The following CLEC16A variants were observed in gnomAD, a reference collection of about 807,000 sequenced individuals.
The protein encoded by CLEC16A is C-type lectin domain containing 16A.
A neutral mutation model predicts 109.5 loss-of-function variants in CLEC16A; 51 were observed. The observed-to-expected ratio is 0.47, with a 90% CI of 0.37 to 0.59. CLEC16A has a LOEUF of 0.59. CLEC16A is among the 20% of genes least tolerant of loss of function. CLEC16A has a pLI of 0.00. For synonymous variants in CLEC16A, 673 were observed against 564.2 expected (o/e 1.19, Z -2.73); for missense variants, 1,339 against 1,394.0 (o/e 0.96, Z 0.63).
At chr16:11,016,710 C>T (rs1567199138) in intron 11 of CLEC16A, among the ~76,000 whole-genome samples, 1 of 152,168 alleles carries the variant, frequency 6.6e-6, no homozygotes, top group Non-Finnish European at 1.5e-5. Context: ...TGAATTGACT[C>T]ACTTGTTTTT....
chr16:11,048,416 C>T (rs2047750729), intron 17 of CLEC16A: 1 of 152,234 alleles, frequency 6.6e-6, no homozygotes, highest in South Asian at 2.1e-4. Context: ...GCTAGGTACT[C>T]CATAAGTACG....
At chr16:11,075,896 C>G (rs1247367633) in intron 19 of CLEC16A, among the ~76,000 whole-genome samples, 1 of 152,130 alleles carries the variant, frequency 6.6e-6, no homozygotes, top group African/African-American at 2.4e-5. Flanking sequence ...GTTTCTCATC[C>G]AAACCCCACT....
chr16:11,098,113 C>T (rs1197712398), intron 19 of CLEC16A, among the ~76,000 whole-genome samples: 1 of 152,212 alleles, frequency 6.6e-6, no homozygotes, highest in African/African-American at 2.4e-5. Flanking sequence ...TCAGTGATCC[C>T]AGGTGATCCT....
intron 9 of CLEC16A, among the ~76,000 whole-genome samples, chr16:10,980,183 C>G (rs1181505106): frequency 6.6e-6 from 1 of 152,138 alleles, no homozygotes; most frequent in Non-Finnish European, 1.5e-5. Flanking sequence ...TGGGGCGGGG[C>G]TTTGTCTTTT....
intron 20 of CLEC16A, among the ~76,000 whole-genome samples, chr16:11,123,052 C>T (rs1168810617): frequency 6.6e-6 from 1 of 151,846 alleles, no homozygotes; most frequent in Admixed American, 6.6e-5. Flanking sequence ...TACAAGCGCA[C>T]GCCACCATGC....
chr16:10,971,275 G>T (rs201761542), intron 5 of CLEC16A, 45 bp downstream of exon 5: 4 of 1,410,876 alleles, frequency 2.8e-6, no homozygotes, highest in Non-Finnish European at 4.0e-6. Flanking sequence ...TTCTGACTTG[G>T]CAGCAAGCAC....
intron 11 of CLEC16A, among the ~76,000 whole-genome samples, chr16:11,015,106 A>G (rs552811315): frequency 1.5e-4 from 23 of 152,180 alleles, no homozygotes; most frequent in Non-Finnish European, 3.2e-4. Context: ...TGTTTGGATA[A>G]AACTATCAAA....
At chr16:11,159,663 A>G (rs2054650249) in intron 22 of CLEC16A, among the ~76,000 whole-genome samples, 3 of 152,186 alleles carry the variant, frequency 2.0e-5, no homozygotes, top group Admixed American at 2.0e-4. Context: ...ATGCCCCAGG[A>G]GGGTTTCATG....
intron 22 of CLEC16A, among the ~76,000 whole-genome samples, chr16:11,147,098 G>A (rs989786253): frequency 3.9e-5 from 6 of 152,002 alleles, no homozygotes; most frequent in African/African-American, 1.5e-4. Flanking sequence ...CCAGACAGGG[G>A]CTGCCATAGA....
chr16:11,127,384 C>T (rs1009941900), intron 22 of CLEC16A, among the ~76,000 whole-genome samples: 1 of 152,200 alleles, frequency 6.6e-6, no homozygotes, highest in African/African-American at 2.4e-5. Flanking sequence ...TACAGTGTCA[C>T]AGTGAGCATC....
intron 22 of CLEC16A, among the ~76,000 whole-genome samples, chr16:11,154,323 ACTCT>A (rs991531929): frequency 6.6e-6 from 1 of 152,162 alleles, no homozygotes; most frequent in Non-Finnish European, 1.5e-5. Flanking sequence ...CATCCATTCA[ACTCT>A]CTATCAAAGA....
chr16:11,156,830 C>T, intron 22 of CLEC16A: 1 of 478,050 alleles, frequency 2.1e-6, no homozygotes, highest in Non-Finnish European at 3.8e-6. Context: ...CACCTGTGTC[C>T]CCCATGTGCC....
chr16:11,123,841 C>T lies in CLEC16A; in HGVS notation c.2368C>T (p.Gln790Ter). 1 of 1,614,056 alleles carries T rather than the reference C, an allele frequency of 6.2e-7. No homozygotes were observed. The change falls in exon 21 of 24, where the codon CAG becomes TAG. Residue 790 changes from glutamine to a stop codon, truncating the protein, a stop_gained. Coordinates refer to ENST00000409790, the MANE Select transcript of CLEC16A (RefSeq NM_015226.3). LOFTEE classifies it high-confidence loss of function. ...SPHSKPFPIL[Q>*]ATFIFSDHIR... is the part of the protein sequence containing the mutation. ...CCATTCCAAGCCCTTCCCCATCCTC[C>T]AGGCCACCTTCATCTTCTCAGACCA...
chr16:11,055,131 G>A (rs1302867146), intron 18 of CLEC16A, among the ~76,000 whole-genome samples: 2 of 152,264 alleles, frequency 1.3e-5, no homozygotes, highest in African/African-American at 4.8e-5. Flanking sequence ...AGCCTTGGGG[G>A]TGAAGAAATG....
chr16:10,981,997 T>G, intron 9 of CLEC16A, among the ~76,000 whole-genome samples: 1 of 152,186 alleles, frequency 6.6e-6, no homozygotes, highest in Non-Finnish European at 1.5e-5. Flanking sequence ...TAGCCCAAAT[T>G]GTCAGCAGTG....
intron 19 of CLEC16A, among the ~76,000 whole-genome samples, chr16:11,097,351 C>G (rs891804877): frequency 2.6e-5 from 4 of 152,184 alleles, no homozygotes; most frequent in Non-Finnish European, 4.4e-5. Flanking sequence ...TAATCAGCTC[C>G]CTCGCCCTTG....
chr16:11,150,317 C>T (rs1377270069), intron 22 of CLEC16A: 1 of 152,192 alleles, frequency 6.6e-6, no homozygotes, highest in Non-Finnish European at 1.5e-5. Context: ...ATTCTGTATA[C>T]CCTGCTGCAC....
At chr16:11,159,304 C>G (rs564407786) in intron 22 of CLEC16A, among the ~76,000 whole-genome samples, 15 of 152,328 alleles carry the variant, frequency 9.8e-5, no homozygotes, top group African/African-American at 3.4e-4. Context: ...AGAATGGTTT[C>G]TCAGTGTGCG....
chr16:11,011,039 G>A (rs560910250), intron 11 of CLEC16A, among the ~76,000 whole-genome samples: 57 of 152,276 alleles, frequency 3.7e-4, no homozygotes, highest in African/African-American at 1.3e-3. Flanking sequence ...TCCCTCTTGG[G>A]TGATGTTCGT....
Sources: allele counts gnomAD v4.1 joint callset (sites outside exome capture counted in the v4.1 genomes callset), GRCh38; gene constraint gnomAD v4.1.1; transcripts MANE v1.5; gene names NCBI Gene and HGNC (gene_info 2026-07-23, HGNC 2026-07-21).